MARCHF1: variants seen among roughly 807,000 people sequenced by gnomAD.
MARCHF1 encodes E3 ubiquitin-protein ligase MARCHF1.
In MARCHF1, 40 loss-of-function variants were observed where a neutral mutation model predicts 54.2. That is an observed-to-expected ratio of 0.74 (90% confidence interval 0.57 to 0.96). MARCHF1 has a LOEUF of 0.96. Ranked by LOEUF, MARCHF1 falls within the 40% of genes least tolerant of loss-of-function variation. MARCHF1 has a pLI of 0.00. For synonymous variants in MARCHF1, 236 were observed against 236.3 expected (o/e 1.00, Z 0.01); for missense variants, 586 against 656.5 (o/e 0.89, Z 1.17).
At chr4:163,912,650 A>G (rs993066763) in intron 3 of MARCHF1, among the ~76,000 whole-genome samples, 1 of 152,194 alleles carries the variant, frequency 6.6e-6, no homozygotes, top group Non-Finnish European at 1.5e-5. Context: ...CACATTGATT[A>G]TTTAAGACAG....
intron 1 of MARCHF1, among the ~76,000 whole-genome samples, chr4:164,237,890 TA>T (rs958367916): frequency 4.0e-5 from 6 of 151,820 alleles, no homozygotes; most frequent in South Asian, 4.1e-4. Flanking sequence ...AACAAAATGC[TA>T]AAAAAAATTG....
intron 1 of MARCHF1, among the ~76,000 whole-genome samples, chr4:164,347,904 A>G (rs973573002): frequency 6.6e-6 from 1 of 152,156 alleles, no homozygotes; most frequent in Non-Finnish European, 1.5e-5. Context: ...TTTATTATAT[A>G]TTTTCATTTT....
chr4:164,022,911 T>A (rs1370713847), intron 2 of MARCHF1, among the ~76,000 whole-genome samples: 1 of 152,180 alleles, frequency 6.6e-6, no homozygotes, highest in African/African-American at 2.4e-5. Context: ...AGCCTGGGTA[T>A]TTTGCTCTAC....
intron 4 of MARCHF1, among the ~76,000 whole-genome samples, chr4:163,831,814 TG>T (rs1408789247): frequency 2.0e-5 from 3 of 152,156 alleles, no homozygotes; most frequent in African/African-American, 7.2e-5. Context: ...TTGTAGTGTA[TG>T]TGGTAATTCT....
At chr4:164,012,861 C>G (rs561648716) in intron 2 of MARCHF1, among the ~76,000 whole-genome samples, 1 of 152,256 alleles carries the variant, frequency 6.6e-6, no homozygotes, top group South Asian at 2.1e-4. Flanking sequence ...GTTGCCGTGA[C>G]CACAGGCTTT....
rs543226052 is a variant in MARCHF1 at position 164,051,017 on chromosome 4, C to T, written c.-248+60571G>A. Among the ~76,000 whole-genome samples the T allele has an allele frequency of 1.2e-4, 19 of 152,256 alleles. No individual in the cohort carries two copies. In the South Asian group the frequency reaches 3.3e-3, roughly 27 times the overall value. ...GTTGAGAAGTACTACTATTCTAACT[C>T]GCATTCCTACTTCCTCCCTTGCCCT... On this transcript the variant is annotated intron_variant, in intron 2 of 9. Transcript: ENST00000514618.
At chr4:163,631,232 T>C (rs578078811) in intron 5 of MARCHF1, among the ~76,000 whole-genome samples, 1 of 152,098 alleles carries the variant, frequency 6.6e-6, no homozygotes, top group Non-Finnish European at 1.5e-5. Context: ...AGTCTCTATC[T>C]TCTAGACTGG....
chr4:164,250,716 A>T (rs1733100148), intron 1 of MARCHF1, among the ~76,000 whole-genome samples: 1 of 152,276 alleles, frequency 6.6e-6, no homozygotes, highest in South Asian at 2.1e-4. Context: ...AAAGCAATTT[A>T]AATTTTCTTA....
At chr4:163,781,132 C>T (rs796795729) in intron 4 of MARCHF1, among the ~76,000 whole-genome samples, 8 of 152,210 alleles carry the variant, frequency 5.3e-5, no homozygotes, top group African/African-American at 1.9e-4. Context: ...GGGTGGATCA[C>T]TTGAGGTCAG....
intron 1 of MARCHF1, chr4:164,197,251 G>A (rs530995458): frequency 6.2e-7 from 1 of 1,610,928 alleles, no homozygotes; most frequent in South Asian, 1.1e-5. Flanking sequence ...CTCAATATCT[G>A]AGTAAGGGGC....
intron 5 of MARCHF1, among the ~76,000 whole-genome samples, chr4:163,634,661 C>T (rs557841278): frequency 9.2e-5 from 14 of 152,074 alleles, no homozygotes; most frequent in East Asian, 1.9e-4. Flanking sequence ...GACTTTAACA[C>T]CCCACTGTCA....
chr4:164,336,022 A>G (rs529675991), intron 1 of MARCHF1, among the ~76,000 whole-genome samples: 1 of 152,342 alleles, frequency 6.6e-6, no homozygotes, highest in East Asian at 1.9e-4. Context: ...ATTGTTTGAT[A>G]GGAGTTAATG....
At chr4:163,804,969 T>A (rs181955235) in intron 4 of MARCHF1, among the ~76,000 whole-genome samples, 1 of 152,324 alleles carries the variant, frequency 6.6e-6, no homozygotes, top group African/African-American at 2.4e-5. Flanking sequence ...AATAAAGTTA[T>A]GTACTCCTAA....
At chr4:163,829,155 CTTTAATCA>C (rs1748943867) in intron 4 of MARCHF1, 2 of 152,134 alleles carry the variant, frequency 1.3e-5, no homozygotes, top group Admixed American at 1.3e-4. Context: ...AAATATATAT[CTTTAATCA>C]GTATGATTTG....
At chr4:164,015,643 T>C (rs562350388) in intron 2 of MARCHF1, among the ~76,000 whole-genome samples, 2 of 151,698 alleles carry the variant, frequency 1.3e-5, no homozygotes, top group Admixed American at 6.6e-5. Flanking sequence ...TACTTAAAAA[T>C]GGACAAAAGA....
chr4:164,208,658 A>G (rs2111110516), intron 1 of MARCHF1, among the ~76,000 whole-genome samples: 1 of 152,344 alleles, frequency 6.6e-6, no homozygotes, highest in South Asian at 2.1e-4. Context: ...GTGCTATTTC[A>G]AGAGAAGAAA....
chr4:163,686,719 A>G (rs575926089), intron 5 of MARCHF1, among the ~76,000 whole-genome samples: 34 of 152,248 alleles, frequency 2.2e-4, no homozygotes, highest in Admixed American at 1.8e-3. Flanking sequence ...TAAAAATACA[A>G]GTCAAAGAAA....
rs540393042 is a variant in MARCHF1 at position 163,937,570 on chromosome 4, T to C, written c.-39+50931A>G. Among the ~76,000 whole-genome samples, 9 of 151,940 alleles carry C rather than the reference T, an allele frequency of 5.9e-5. No individual in the cohort carries two copies. In the South Asian group the frequency reaches 1.5e-3, roughly 24 times the overall value. On this transcript the variant is annotated intron_variant, in intron 3 of 9. Transcript: ENST00000514618. Reference sequence around the variant, plus strand: ...ACACATACACACACGCACACACATATAATTTTCCATTAATCTTTGCAGTTG... The same window carrying C: ...ACACATACACACACGCACACACATACAATTTTCCATTAATCTTTGCAGTTG...
chr4:163,881,485 A>C (rs935778609), intron 3 of MARCHF1, among the ~76,000 whole-genome samples: 1 of 152,142 alleles, frequency 6.6e-6, no homozygotes, highest in African/African-American at 2.4e-5. Context: ...AGAAAAAAAA[A>C]AATTATCCAA....
Sources: gnomAD v4.1 joint callset for allele counts (sites outside exome capture counted in the v4.1 genomes callset) on GRCh38, gnomAD v4.1.1 for gene constraint, MANE v1.5 for transcripts, NCBI Gene and HGNC (gene_info 2026-07-23, HGNC 2026-07-21) for gene names.